NAPG: variants seen among roughly 807,000 people sequenced by gnomAD.
The protein encoded by NAPG is gamma-soluble NSF attachment protein.
In NAPG, 25 loss-of-function variants were observed where a neutral mutation model predicts 48.4. The observed-to-expected ratio is 0.52, with a 90% CI of 0.38 to 0.72. The LOEUF is 0.72. NAPG is among the 30% of genes least tolerant of loss of function. NAPG has a pLI of 0.00. For missense variants in NAPG, 359 were observed against 372.5 expected, an observed-to-expected ratio of 0.96 and a Z score of 0.30; for synonymous variants, 139 against 127.2, an observed-to-expected ratio of 1.09 and a Z score of -0.62.
chr18:10,543,395 A>C lies in NAPG; in HGVS notation c.507-2931A>C, dbSNP rs1395590031. Among the ~76,000 whole-genome samples the C allele has an allele frequency of 6.6e-6, 1 of 152,182 alleles. No homozygotes were observed. The highest frequency in any genetic ancestry group is 2.4e-5 in the African/African-American group (1 of 41,438). On this transcript the variant is annotated intron_variant, in intron 8 of 11. Transcript: ENST00000322897. This position sits in a 1 kb window ranked among gnomAD's most constrained non-coding sequence, Gnocchi z 4.4. ...GGGATGTGTGCTATTAAGGAGAATC[A>C]CTGGGTTTCTGTCTTGCATAACTGT...
Position 10,543,076 on chromosome 18 carries a change from C to T in NAPG, c.506+2677C>T, listed in dbSNP as rs1003261776. 2.0e-5 allele frequency among the ~76,000 whole-genome samples: 3 copies of T among 149,588 alleles called. No homozygotes were observed. The highest frequency in any genetic ancestry group is 6.7e-5 in the Admixed American group (1 of 14,838). On this transcript the variant is annotated intron_variant, in intron 8 of 11. Coordinates refer to ENST00000322897, the MANE Select transcript of NAPG (RefSeq NM_003826.3). This position sits in a 1 kb window ranked among gnomAD's most constrained non-coding sequence, Gnocchi z 4.4. ...ACGCACACCTATAATCCCAGCTACT[C>T]GGGAGGCTGGAGAATCGCTTGAACC...
chr18:10,529,502 C>T (rs964790858), intron 1 of NAPG, among the ~76,000 whole-genome samples: 1 of 152,154 alleles, frequency 6.6e-6, no homozygotes, highest in South Asian at 2.1e-4. Flanking sequence ...GCCGGTAATT[C>T]TAGCTCTTTG....
intron 1 of NAPG, among the ~76,000 whole-genome samples, chr18:10,527,696 G>C (rs1425844407): frequency 6.6e-6 from 1 of 151,014 alleles, no homozygotes; most frequent in African/African-American, 2.5e-5. Context: ...AAGAGATTCT[G>C]TGCGCAACCT....
At chr18:10,535,943 A>G (rs945764749) in intron 5 of NAPG, among the ~76,000 whole-genome samples, 1 of 152,192 alleles carries the variant, frequency 6.6e-6, no homozygotes, top group Non-Finnish European at 1.5e-5. Context: ...CTTACGGCCA[A>G]AGAAGCTGGG....
At chr18:10,528,783 G>T (rs766749601) in intron 1 of NAPG, among the ~76,000 whole-genome samples, 1 of 152,102 alleles carries the variant, frequency 6.6e-6, no homozygotes, top group Non-Finnish European at 1.5e-5. Context: ...GTGGGGCGGG[G>T]AGGTGTGGAG....
intron 1 of NAPG, among the ~76,000 whole-genome samples, chr18:10,527,696 G>A (rs1425844407): frequency 6.6e-6 from 1 of 151,014 alleles, no homozygotes; most frequent in African/African-American, 2.5e-5. Flanking sequence ...AAGAGATTCT[G>A]TGCGCAACCT....
In NAPG at chr18:10,552,427, G is replaced by C. The variant is rs1369604800; in HGVS notation, c.*2207G>C. ...CCACTCACGTAAGTTTCTATCTTGA[G>C]AGCATAGTCCAAAGTGCAAAACTTG... is the stretch of plus-strand genomic sequence containing the variant. On this transcript the variant is annotated 3_prime_UTR_variant, in exon 12 of 12. Coordinates refer to ENST00000322897, the MANE Select transcript of NAPG (RefSeq NM_003826.3). 1 of 152,172 alleles carries C rather than the reference G, an allele frequency of 6.6e-6. No homozygotes were observed. The highest frequency in any genetic ancestry group is 1.5e-5 in the Non-Finnish European group (1 of 68,042). 9.4% of individuals were successfully genotyped at this position (152,172 alleles called of 1,614,324 possible). A position where few individuals can be genotyped will look rare whatever the true frequency, so the allele number is the denominator to read the frequency against.
intron 5 of NAPG, among the ~76,000 whole-genome samples, chr18:10,537,122 A>G (rs1022030803): frequency 2.0e-5 from 3 of 151,912 alleles, no homozygotes; most frequent in Non-Finnish European, 2.9e-5. Flanking sequence ...ATGCCCTGCT[A>G]ATTTTTTAAT....
At chr18:10,545,804 G>T (rs1230532253) in intron 8 of NAPG, among the ~76,000 whole-genome samples, 1 of 152,248 alleles carries the variant, frequency 6.6e-6, no homozygotes, top group Admixed American at 6.5e-5. Flanking sequence ...GACTGAAGAT[G>T]CAGGAAGGCT....
At chr18:10,541,486 G>A (rs887045220) in intron 8 of NAPG, among the ~76,000 whole-genome samples, 1 of 152,166 alleles carries the variant, frequency 6.6e-6, no homozygotes, top group African/African-American at 2.4e-5. Flanking sequence ...GTTTGTTACA[G>A]CAGCAGAGCT....
chr18:10,531,167 A>G (rs1939040857), intron 2 of NAPG, among the ~76,000 whole-genome samples: 1 of 152,118 alleles, frequency 6.6e-6, no homozygotes, highest in African/African-American at 2.4e-5. Flanking sequence ...ATATTTCTCT[A>G]TTATACTTTC....
chr18:10,545,967 C>A (rs1236874508), intron 8 of NAPG, among the ~76,000 whole-genome samples: 1 of 152,082 alleles, frequency 6.6e-6, no homozygotes, highest in Non-Finnish European at 1.5e-5. Flanking sequence ...TTCTTTCAGT[C>A]GGGAGGAAAG....
chr18:10,532,244 A>G (rs1170216611), intron 2 of NAPG, among the ~76,000 whole-genome samples: 1 of 152,206 alleles, frequency 6.6e-6, no homozygotes, highest in African/African-American at 2.4e-5. Context: ...TTAGACATTT[A>G]AAGATTGTGC....
At chr18:10,528,350 C>T (rs1177553900) in intron 1 of NAPG, among the ~76,000 whole-genome samples, 1 of 152,086 alleles carries the variant, frequency 6.6e-6, no homozygotes, top group Non-Finnish European at 1.5e-5. Flanking sequence ...TCTTCAAGAG[C>T]TTAGAATTCA....
Position 10,548,338 on chromosome 18 carries a change from G to A in NAPG, c.625G>A (p.Asp209Asn). 1 of 1,613,870 alleles carries A rather than the reference G, an allele frequency of 6.2e-7. No homozygotes were observed. Among genetic ancestry groups the A allele is most frequent in the Non-Finnish European group, 8.5e-7 (1 of 1,179,782 alleles). Residue 209 changes from aspartate (D) to asparagine (N), a missense_variant, in exon 10 of 12, where the codon GAC (aspartate) becomes AAC (asparagine). By Grantham distance (23) the Asp-to-Asn change is conservative (BLOSUM62 1). Transcript: ENST00000322897. The surrounding 1 kb of genome is among the most constrained non-coding windows in gnomAD (Gnocchi z 4.4). ...AQVLVHLHRN[D>N]YVAAERCVRE... ...AGTCTTAGTTCATCTACACAGAAAT[G>A]ACTATGTAGCTGCAGAAAGATGTGT...
At chr18:10,533,326 G>A (rs538030112) in intron 3 of NAPG, 19 of 443,918 alleles carry the variant, frequency 4.3e-5, no homozygotes, top group Non-Finnish European at 1.6e-5. Context: ...TTTAAAATCT[G>A]TGCAGTGTTT....
intron 4 of NAPG, among the ~76,000 whole-genome samples, 165 bp downstream of exon 4, chr18:10,533,718 A>C (rs2031976896): frequency 6.6e-6 from 1 of 152,090 alleles, no homozygotes; most frequent in Admixed American, 6.5e-5. Context: ...ACCAAGACTT[A>C]CTCCTAACTG....
chr18:10,527,734 A>G (rs1330398779), intron 1 of NAPG, among the ~76,000 whole-genome samples: 2 of 152,158 alleles, frequency 1.3e-5, no homozygotes, highest in Non-Finnish European at 2.9e-5. Flanking sequence ...CGGGCCTGAA[A>G]ATGTGCTCTG....
chr18:10,531,414 G>A (rs1362644223), intron 2 of NAPG, among the ~76,000 whole-genome samples: 1 of 152,106 alleles, frequency 6.6e-6, no homozygotes, highest in African/African-American at 2.4e-5. Flanking sequence ...GTAGCATTCT[G>A]AATTACAGAA....
Sources: gnomAD v4.1 joint callset for allele counts (sites outside exome capture counted in the v4.1 genomes callset) on GRCh38, gnomAD v4.1.1 for gene constraint, Gnocchi (gnomAD v3.1) non-coding constraint, MANE v1.5 for transcripts, NCBI Gene and HGNC (gene_info 2026-07-23, HGNC 2026-07-21) for gene names.